EFCAB3: variants seen among roughly 807,000 people sequenced by gnomAD.
The protein encoded by EFCAB3 is EF-hand calcium-binding domain-containing protein 3.
Under a neutral mutation model 42.2 loss-of-function variants are expected in EFCAB3, and 36 were observed. The ratio of observed to expected loss-of-function variants is 0.85; its 90% CI spans 0.65 to 1.13. The LOEUF (loss-of-function observed/expected upper bound fraction) is 1.13, where lower values mean the gene tolerates loss of function less well. Ranked by LOEUF, EFCAB3 falls within the 50% of genes most tolerant of loss-of-function variation. The pLI, the probability that EFCAB3 is intolerant of heterozygous loss-of-function variation, is 0.00. For missense variants in EFCAB3, 418 were observed against 505.1 expected (o/e 0.83, Z 1.65); for synonymous variants, 170 against 172.8 (o/e 0.98, Z 0.13).
chr17:62,371,408 A>T (rs1421191501), intron 1 of EFCAB3, among the ~76,000 whole-genome samples: 5 of 149,790 alleles, frequency 3.3e-5, no homozygotes, highest in African/African-American at 1.2e-4. Context: ...TAAAAAAAAA[A>T]TTAGCCGGGC....
rs762044140 is a variant in EFCAB3 at position 62,380,583 on chromosome 17, A to G, written c.-48A>G. The G allele has an allele frequency of 1.8e-5, 18 of 985,360 alleles. No homozygotes were observed. The highest frequency in any genetic ancestry group is 6.1e-5 in the Admixed American group (1 of 16,266). The allele number at this position is 985,360 out of a possible 1,614,324, so 61.0% of individuals were successfully genotyped here. Reference sequence around the variant, plus strand: ...TGGATTCCTGATCTGATTGAAGCCCAGAAGTGGTAGGTAGCACGGCTTAAA... The same window carrying G: ...TGGATTCCTGATCTGATTGAAGCCCGGAAGTGGTAGGTAGCACGGCTTAAA... On this transcript the variant is annotated 5_prime_UTR_variant, in exon 1 of 10. Coordinates refer to ENST00000305286, the MANE Select transcript of EFCAB3 (RefSeq NM_173503.4).
intron 5 of EFCAB3, among the ~76,000 whole-genome samples, chr17:62,394,173 C>T (rs574802615): frequency 1.3e-5 from 2 of 152,106 alleles, no homozygotes; most frequent in South Asian, 4.1e-4. Context: ...CAGGATGGTC[C>T]CGATCTCCTG....
intron 6 of EFCAB3, 41 bp downstream of exon 6, chr17:62,395,229 G>A: frequency 3.1e-6 from 5 of 1,603,644 alleles, no homozygotes; most frequent in South Asian, 2.2e-5. Flanking sequence ...CTTCTCAGAA[G>A]CATTATGAAG....
chr17:62,393,222 G>A (rs2070319462), intron 4 of EFCAB3, among the ~76,000 whole-genome samples: 1 of 152,136 alleles, frequency 6.6e-6, no homozygotes, highest in Admixed American at 6.6e-5. Flanking sequence ...ATACAGCTTG[G>A]GGATGTTATA....
At chr17:62,377,948 T>A, upstream of EFCAB3, 5 of 1,539,498 alleles carry the variant, frequency 3.2e-6, no homozygotes, top group Non-Finnish European at 3.5e-6. Context: ...GTAATTTTGA[T>A]TCTTAATCTT....
At chr17:62,371,800 G>A (rs1272831797) in intron 1 of EFCAB3, among the ~76,000 whole-genome samples, 1 of 152,062 alleles carries the variant, frequency 6.6e-6, no homozygotes, top group Non-Finnish European at 1.5e-5. Context: ...TATTTACATG[G>A]CTTACTCACT....
At chr17:62,371,214 G>A (rs571465720) in intron 1 of EFCAB3, among the ~76,000 whole-genome samples, 2 of 152,126 alleles carry the variant, frequency 1.3e-5, no homozygotes, top group East Asian at 1.9e-4. Context: ...GCCACCTTTT[G>A]CCTATCAAAG....
chr17:62,370,349 T>C, intron 1 of EFCAB3: 1 of 1,550,802 alleles, frequency 6.4e-7, no homozygotes, highest in Non-Finnish European at 8.7e-7. Flanking sequence ...ATAATTATGT[T>C]ACCTTCTTAG....
At chr17:62,402,142 A>G (rs953018495) in intron 6 of EFCAB3, among the ~76,000 whole-genome samples, 1 of 152,152 alleles carries the variant, frequency 6.6e-6, no homozygotes, top group Non-Finnish European at 1.5e-5. Flanking sequence ...TTGATTTTGT[A>G]TCCTGAGACT....
intron 2 of EFCAB3, among the ~76,000 whole-genome samples, chr17:62,386,710 T>A (rs2070254465): frequency 6.6e-6 from 1 of 152,234 alleles, no homozygotes; most frequent in Non-Finnish European, 1.5e-5. Context: ...ACTATCTGTA[T>A]AACCTGAGAC....
chr17:62,396,211 T>G (rs1330130714), intron 6 of EFCAB3, among the ~76,000 whole-genome samples: 3 of 152,194 alleles, frequency 2.0e-5, no homozygotes, highest in Non-Finnish European at 4.4e-5. Flanking sequence ...ATGTTAGCTA[T>G]TATTATCATG....
upstream of EFCAB3, among the ~76,000 whole-genome samples, chr17:62,377,160 C>A (rs2070157457): frequency 6.6e-6 from 1 of 152,124 alleles, no homozygotes; most frequent in African/African-American, 2.4e-5. Flanking sequence ...ATCCTTTCCC[C>A]ATAGGAAAGA....
intron 1 of EFCAB3, chr17:62,370,330 G>C (rs1483089529): frequency 6.4e-7 from 1 of 1,551,558 alleles, no homozygotes; most frequent in Admixed American, 2.0e-5. Flanking sequence ...ACGGTGAGGT[G>C]TATGTTTTAT....
At chr17:62,387,529 A>G in intron 3 of EFCAB3, 113 bp downstream of exon 3, 1 of 836,134 alleles carries the variant, frequency 1.2e-6, no homozygotes, top group Non-Finnish European at 1.8e-6. Flanking sequence ...CCATCATTTG[A>G]GAGAAAGGAA....
At chr17:62,402,667 T>C (rs1386943448) in intron 6 of EFCAB3, among the ~76,000 whole-genome samples, 3 of 152,314 alleles carry the variant, frequency 2.0e-5, no homozygotes, top group African/African-American at 7.2e-5. Flanking sequence ...ATAAGCTTTT[T>C]GATGTGCTGC....
intron 3 of EFCAB3, among the ~76,000 whole-genome samples, chr17:62,390,856 C>T (rs972406147): frequency 6.6e-6 from 1 of 152,134 alleles, no homozygotes; most frequent in East Asian, 1.9e-4. Context: ...AAGTTTTATT[C>T]GGGTGTCATT....
chr17:62,413,581 A>T (rs1254757158), intron 8 of EFCAB3, 151 bp from the exon 9 acceptor site: 3 of 764,414 alleles, frequency 3.9e-6, no homozygotes, highest in African/African-American at 3.5e-5. Context: ...CCCGGAAAAA[A>T]GTCTAAACAA....
intron 2 of EFCAB3, among the ~76,000 whole-genome samples, chr17:62,374,241 A>T (rs796490321): frequency 1.9e-4 from 29 of 152,230 alleles, no homozygotes; most frequent in African/African-American, 6.5e-4. Flanking sequence ...CGGGTGGATC[A>T]CCTGAGGTCA....
chr17:62,370,951 G>A (rs796813443), intron 1 of EFCAB3, among the ~76,000 whole-genome samples: 27 of 152,066 alleles, frequency 1.8e-4, no homozygotes, highest in African/African-American at 6.5e-4. Flanking sequence ...AATTATCCAG[G>A]CGTGATGGCA....
Sources: gnomAD v4.1 joint callset for allele counts (sites outside exome capture counted in the v4.1 genomes callset) on GRCh38, gnomAD v4.1.1 for gene constraint, MANE v1.5 for transcripts, NCBI Gene and HGNC (gene_info 2026-07-23, HGNC 2026-07-21) for gene names.